Variants in PEX7 observed in about 807,000 individuals in gnomAD.
The protein encoded by PEX7 is PTS2 receptor.
Under a neutral mutation model 47.5 loss-of-function variants are expected in PEX7, and 34 were observed. That is an observed-to-expected ratio of 0.72 (90% CI 0.54 to 0.95). The LOEUF (loss-of-function observed/expected upper bound fraction) is 0.95. Among genes scored for constraint, PEX7 ranks in the 40% least tolerant of loss-of-function variants. PEX7 has a pLI of 0.00. For missense variants in PEX7, 394 were observed against 400.3 expected (o/e 0.98, Z 0.13); for synonymous variants, 141 against 148.8 (o/e 0.95, Z 0.38).
rs1775327904 is a variant in PEX7 at position 136,879,001 on chromosome 6, GT to G, written c.803+6753del. ...TTAACCGTTTATTGCCTGGTTGTGA[GT>G]TTTTCATTATATTTTTGTGAAATCC... On this transcript the variant is annotated intron_variant, in intron 8 of 9. Transcript: ENST00000318471. Among the ~76,000 whole-genome samples, 7 of 151,838 alleles carry G rather than the reference GT, an allele frequency of 4.6e-5. 1 individual carries two copies. The Middle Eastern group carries it at 0.014, about 295-fold the overall frequency.
At chr6:136,895,524 T>C (rs976316465) in intron 8 of PEX7, among the ~76,000 whole-genome samples, 1 of 152,232 alleles carries the variant, frequency 6.6e-6, no homozygotes, top group Non-Finnish European at 1.5e-5. Context: ...TGGCTTCATT[T>C]TTCCATTTAC....
intron 5 of PEX7, among the ~76,000 whole-genome samples, chr6:136,854,142 T>A (rs1191633726): frequency 7.9e-5 from 12 of 152,288 alleles, no homozygotes; most frequent in Admixed American, 7.8e-4. Context: ...TATATTTAAT[T>A]TGAATCAATT....
chr6:136,891,873 G>C (rs1284062645), intron 8 of PEX7, among the ~76,000 whole-genome samples: 1 of 152,150 alleles, frequency 6.6e-6, no homozygotes, highest in African/African-American at 2.4e-5. Flanking sequence ...TTGAACTCCT[G>C]GCCTTAAGTG....
At chr6:136,895,716 A>C (rs1306453163) in intron 8 of PEX7, among the ~76,000 whole-genome samples, 2 of 152,202 alleles carry the variant, frequency 1.3e-5, no homozygotes, top group African/African-American at 4.8e-5. Context: ...TAGATTAGGC[A>C]CCATAATGTA....
intron 8 of PEX7, among the ~76,000 whole-genome samples, chr6:136,896,558 T>C (rs1407770111): frequency 6.6e-6 from 1 of 152,150 alleles, no homozygotes; most frequent in Non-Finnish European, 1.5e-5. Context: ...TGGGTCTTGA[T>C]TGTCTCCCTT....
chr6:136,879,622 G>T (rs1775340278), intron 8 of PEX7, among the ~76,000 whole-genome samples: 1 of 152,018 alleles, frequency 6.6e-6, no homozygotes, highest in South Asian at 2.1e-4. Context: ...TGCAGGCTCA[G>T]TGAGCTCTTT....
chr6:136,836,297 A>T (rs1468456624), intron 3 of PEX7, among the ~76,000 whole-genome samples: 1 of 152,028 alleles, frequency 6.6e-6, no homozygotes, highest in Non-Finnish European at 1.5e-5. Context: ...TATATAGTGT[A>T]TATACATTTC....
intron 9 of PEX7, among the ~76,000 whole-genome samples, chr6:136,906,263 A>C (rs983094733): frequency 1.3e-5 from 2 of 152,256 alleles, no homozygotes; most frequent in Non-Finnish European, 2.9e-5. Context: ...AATAGAATAT[A>C]AAATTTTAAA....
In PEX7 at chr6:136,823,011, C is replaced by A. The variant is rs541718825; in HGVS notation, c.130+216C>A. On this transcript the variant is annotated intron_variant, in intron 1 of 9. Coordinates refer to ENST00000318471, the MANE Select transcript of PEX7 (RefSeq NM_000288.4). ...CAGGAGTCGATCTTCCAGTTGTGTGCAAGTGCATATACGTGTAGCCTAGTA... is the reference window on the plus strand; with the variant it reads ...CAGGAGTCGATCTTCCAGTTGTGTGAAAGTGCATATACGTGTAGCCTAGTA... 2.1e-4 allele frequency: 211 copies of A among 985,464 alleles called. No homozygotes were observed. In the African/African-American group the frequency reaches 3.6e-3, roughly 17 times the overall value. The allele number at this position is 985,464 out of a possible 1,614,324, so 61.0% of individuals were successfully genotyped here. A position where few individuals can be genotyped will look rare whatever the true frequency, so the allele number is the denominator to read the frequency against.
Position 136,845,710 on chromosome 6 carries a change from T to C in PEX7, c.417+18T>C. On this transcript the variant is annotated intron_variant, in intron 4 of 9. Coordinates refer to ENST00000318471, the MANE Select transcript of PEX7 (RefSeq NM_000288.4). Reference sequence around the variant, plus strand: ...TCAAATTGGTATGTTAGCATTATTGTATTCAAAAACGAATATTCCCTTCTC... The same window carrying C: ...TCAAATTGGTATGTTAGCATTATTGCATTCAAAAACGAATATTCCCTTCTC... 6.6e-7 allele frequency: 1 copy of C among 1,506,464 alleles called. No homozygotes were observed. The highest frequency in any genetic ancestry group is 9.2e-7 in the Non-Finnish European group (1 of 1,081,712). 93.3% of individuals were successfully genotyped at this position (1,506,464 alleles called of 1,614,324 possible).
chr6:136,846,520 T>A lies in PEX7; in HGVS notation c.526+339T>A, dbSNP rs922365490. Among the ~76,000 whole-genome samples, 3 of 145,252 alleles carry A rather than the reference T, an allele frequency of 2.1e-5. No individual in the cohort carries two copies. The East Asian group carries it at 6.6e-4, about 32-fold the overall frequency. Reference sequence around the variant, plus strand: ...TCCCCCACCCCATGACAGGCCCCGGTGTGTGATGTTCCCCATCCTGTGTCC... The same window carrying A: ...TCCCCCACCCCATGACAGGCCCCGGAGTGTGATGTTCCCCATCCTGTGTCC... On this transcript the variant is annotated intron_variant, in intron 5 of 9. Coordinates refer to ENST00000318471, the MANE Select transcript of PEX7 (RefSeq NM_000288.4).
intron 9 of PEX7, among the ~76,000 whole-genome samples, chr6:136,908,890 A>G (rs1326929864): frequency 6.6e-6 from 1 of 151,990 alleles, no homozygotes; most frequent in Non-Finnish European, 1.5e-5. Context: ...AACAGCAACA[A>G]ATGCTGTCTA....
rs565363630 is a variant in PEX7 at position 136,836,375 on chromosome 6, T to C, written c.340-9240T>C. Among the ~76,000 whole-genome samples, 18 of 151,916 alleles carry C rather than the reference T, an allele frequency of 1.2e-4. No homozygotes were observed. In the South Asian group the frequency reaches 3.3e-3, roughly 28 times the overall value. ...GGTTACCTTGAAAGAGGGGGTAAGG[T>C]AGAAAGCAGGGGAAGGGGGACCAGA... On this transcript the variant is annotated intron_variant, in intron 3 of 9. Transcript: ENST00000318471.
At chr6:136,906,092 G>GTTGC (rs1775840570) in intron 9 of PEX7, among the ~76,000 whole-genome samples, 1 of 152,176 alleles carries the variant, frequency 6.6e-6, no homozygotes, top group African/African-American at 2.4e-5. Context: ...GATTCTCCAT[G>GTTGC]TTGCCTCCAG....
intron 6 of PEX7, among the ~76,000 whole-genome samples, chr6:136,868,074 C>A (rs1314528255): frequency 6.6e-6 from 1 of 152,156 alleles, no homozygotes; most frequent in Admixed American, 6.5e-5. Flanking sequence ...GAAAGCCTTA[C>A]AATTGTGTTA....
chr6:136,848,136 G>T (rs1409808007), intron 5 of PEX7, among the ~76,000 whole-genome samples: 4 of 151,988 alleles, frequency 2.6e-5, no homozygotes, highest in African/African-American at 9.7e-5. Flanking sequence ...TCATGATTTG[G>T]CTCTCTTTTT....
Position 136,830,546 on chromosome 6 carries a change from T to C in PEX7, c.339+4077T>C, listed in dbSNP as rs144255445. On this transcript the variant is annotated intron_variant, in intron 3 of 9. Coordinates refer to ENST00000318471, the MANE Select transcript of PEX7 (RefSeq NM_000288.4). ...ATTCTTCTGTCTATTGTTTAACTGGTGTCTGCAGAGGTCATTATGTCTTTT... is the reference window on the plus strand; with the variant it reads ...ATTCTTCTGTCTATTGTTTAACTGGCGTCTGCAGAGGTCATTATGTCTTTT... Among the ~76,000 whole-genome samples the C allele has an allele frequency of 9.3e-4, 142 of 152,338 alleles. 1 individual carries two copies. Among genetic ancestry groups the C allele is most frequent in the African/African-American group, 3.3e-3 (138 of 41,578 alleles).
intron 2 of PEX7, 104 bp downstream of exon 2, chr6:136,825,375 G>A (rs1582732134): frequency 1.0e-6 from 1 of 960,768 alleles, no homozygotes; most frequent in South Asian, 1.4e-5. Context: ...AGTATAAAAG[G>A]AACCTTGGCG....
At chr6:136,888,453 A>G (rs2327766) in intron 8 of PEX7, among the ~76,000 whole-genome samples, 17,698 of 152,086 alleles carry the variant, frequency 0.12, 1,335 homozygotes, top group South Asian at 0.22. Context: ...TTGTAACCCT[A>G]TCACCGTTTT....
Sources: gnomAD v4.1 joint callset for allele counts (sites outside exome capture counted in the v4.1 genomes callset) on GRCh38, gnomAD v4.1.1 for gene constraint, MANE v1.5 for transcripts, NCBI Gene and HGNC (gene_info 2026-07-23, HGNC 2026-07-21) for gene names.